The following ACOT4 variants were observed in gnomAD, a reference collection of about 807,000 sequenced individuals.
ACOT4 encodes the protein peroxisomal succinyl-coenzyme A thioesterase.
In ACOT4, 18 loss-of-function variants were observed where a neutral mutation model predicts 17.1. The observed-to-expected ratio is 1.05, with a 90% CI of 0.73 to 1.56. ACOT4 has a LOEUF of 1.56. ACOT4 is among the 40% of genes most tolerant of loss of function. The pLI, the probability that ACOT4 is intolerant of heterozygous loss-of-function variation, is 0.00. For synonymous variants in ACOT4, 234 were observed against 236.6 expected, an observed-to-expected ratio of 0.99 and a Z score of 0.10; for missense variants, 574 against 557.2, an observed-to-expected ratio of 1.03 and a Z score of -0.30.
chr14:73,593,842 A>G lies in ACOT4; in HGVS notation c.598A>G (p.Met200Val). The change falls in exon 2 of 3, where the codon ATG becomes GTG. Residue 200 changes from methionine to valine, a missense_variant. Met to Val is a conservative substitution (Grantham distance 21, BLOSUM62 1). Coordinates refer to ENST00000326303, the MANE Select transcript of ACOT4 (RefSeq NM_152331.4). ...TAACTTTGAAGATCTCCCCAATAAC[A>G]TGGACAACATATCCCTGGAGTACTT... ...YYNFEDLPNN[M>V]DNISLEYFEE... The G allele has an allele frequency of 6.2e-7, 1 of 1,614,090 alleles. No homozygotes were observed. The highest frequency in any genetic ancestry group is 8.5e-7 in the Non-Finnish European group (1 of 1,179,962).
rs750991349 is a variant in ACOT4, at chr14:73,592,207, C to T, written c.248C>T (p.Ala83Val). The change falls in exon 1 of 3, where the codon GCC becomes GTC. Residue 83 changes from alanine to valine, a missense_variant. Physicochemically the swap from Ala to Val is moderately conservative, Grantham distance 64. Transcript: ENST00000326303. ...AGLEPMGLLW[A>V]LEPEKPFWRF... is the part of the protein sequence containing the mutation. ...CTCGAGCCCATGGGGCTGCTCTGGG[C>T]CCTGGAACCCGAGAAGCCTTTTTGG... 8 of 1,612,346 alleles carry T rather than the reference C, an allele frequency of 5.0e-6. No individual in the cohort carries two copies. Among genetic ancestry groups the T allele is most frequent in the Admixed American group, 1.7e-5 (1 of 59,892 alleles).
At chr14:73,594,992 A>G in intron 2 of ACOT4, 57 bp from the exon 3 acceptor site, 2 of 1,589,844 alleles carry the variant, frequency 1.3e-6, no homozygotes, top group Non-Finnish European at 1.7e-6. Flanking sequence ...GGCATGAGCC[A>G]CCGCACCCAA....
In ACOT4 at chr14:73,592,106, C is replaced by G; in HGVS notation, c.147C>G (p.His49Gln). ...AGAAGGGCGCGCTCTTCCGGGCCCACGCGCGCTACTGCGCCGACGCCCGCG... is the reference window on the plus strand; with the variant it reads ...AGAAGGGCGCGCTCTTCCGGGCCCAGGCGCGCTACTGCGCCGACGCCCGCG... ...RDEKGALFRAHARYCADARGE... is the reference protein window; with the variant it reads ...RDEKGALFRAQARYCADARGE... The change falls in exon 1 of 3, where the codon CAC becomes CAG. Residue 49 changes from histidine (H) to glutamine (Q), a missense_variant. His to Gln is a conservative substitution (Grantham distance 24). Coordinates refer to ENST00000326303, the MANE Select transcript of ACOT4 (RefSeq NM_152331.4). The G allele has an allele frequency of 6.6e-7, 1 of 1,509,202 alleles. No homozygotes were observed. Among genetic ancestry groups the G allele is most frequent in the African/African-American group, 1.5e-5 (1 of 68,538 alleles). The allele number at this position is 1,509,202 out of a possible 1,614,324, so 93.5% of individuals were successfully genotyped here.
At chr14:73,592,554 C>A in intron 1 of ACOT4, 138 bp downstream of exon 1, 4 of 1,101,262 alleles carry the variant, frequency 3.6e-6, no homozygotes, top group Non-Finnish European at 5.0e-6. Context: ...GCCACTCTAC[C>A]AAAATAGAGG....
At chr14:73,593,285 G>A (rs1890184472) in intron 1 of ACOT4, among the ~76,000 whole-genome samples, 1 of 150,964 alleles carries the variant, frequency 6.6e-6, no homozygotes, top group Non-Finnish European at 1.5e-5. Context: ...CCAGAGGGCT[G>A]ATGCAACAGA....
At chr14:73,593,342 T>C (rs1427612952) in intron 1 of ACOT4, among the ~76,000 whole-genome samples, 10 of 141,800 alleles carry the variant, frequency 7.1e-5, no homozygotes, top group African/African-American at 1.6e-4. Flanking sequence ...CTTTCTTTTT[T>C]TTTTTTTTTT....
In ACOT4 at chr14:73,592,321, G is replaced by A. The variant is rs752291573; in HGVS notation, c.362G>A (p.Cys121Tyr). The A allele has an allele frequency of 5.0e-6, 8 of 1,608,804 alleles. No homozygotes were observed. The Admixed American group carries it at 1.3e-4, about 27-fold the overall frequency. Residue 121 changes from cysteine to tyrosine, a missense_variant, in exon 1 of 3, where the codon TGC (cysteine) becomes TAC (tyrosine). Physicochemically the swap from Cys to Tyr is radical, Grantham distance 194. Transcript: ENST00000326303. Reference sequence around the variant, plus strand: ...GACCCCGAGCCTGGACGGCTGCTGTGCCAGGCGCAGCACGAGCGCCACTTC... The same window carrying A: ...GACCCCGAGCCTGGACGGCTGCTGTACCAGGCGCAGCACGAGCGCCACTTC... ...GHDPEPGRLL[C>Y]QAQHERHFLP...
At position 73,595,759 on chromosome 14, in the gene ACOT4, G is replaced by T; in HGVS notation, c.*105G>T. 1 of 1,307,866 alleles carries T rather than the reference G, an allele frequency of 7.6e-7. No homozygotes were observed. Among genetic ancestry groups the T allele is most frequent in the Non-Finnish European group, 1.0e-6 (1 of 986,420 alleles). The allele number at this position is 1,307,866 out of a possible 1,614,324, so 81.0% of individuals were successfully genotyped here. On this transcript the variant is annotated 3_prime_UTR_variant, in exon 3 of 3. Coordinates refer to ENST00000326303, the MANE Select transcript of ACOT4 (RefSeq NM_152331.4). ...TGGATAACATTAAAGCCATGTCTTT[G>T]TCATTAATGGTGTATTTTACGTAAC...
rs1430993303 is a variant in ACOT4, at chr14:73,593,862, G to C, written c.618G>C (p.Glu206Asp). Reference protein sequence around the residue: ...LPNNMDNISLEYFEEAVCYML... With the variant: ...LPNNMDNISLDYFEEAVCYML... ...ATAACATGGACAACATATCCCTGGA[G>C]TACTTCGAAGAAGCCGTATGCTACA... Residue 206 changes from glutamate to aspartate, a missense_variant, in exon 2 of 3, where the codon GAG becomes GAC. Physicochemically the swap from Glu to Asp is conservative, Grantham distance 45. Coordinates refer to ENST00000326303, the MANE Select transcript of ACOT4 (RefSeq NM_152331.4). 1.2e-6 allele frequency: 2 copies of C among 1,613,866 alleles called. No homozygotes were observed. Among genetic ancestry groups the C allele is most frequent in the South Asian group, 2.2e-5 (2 of 91,062 alleles).
rs2010052 is a variant in ACOT4 at position 73,595,008 on chromosome 14, A to G, written c.661-41A>G. 4.2e-4 allele frequency: 673 copies of G among 1,603,936 alleles called. 10 individuals are homozygous for G. The East Asian group carries it at 0.012, about 29-fold the overall frequency. On this transcript the variant is annotated intron_variant, in intron 2 of 2. Coordinates refer to ENST00000326303, the MANE Select transcript of ACOT4 (RefSeq NM_152331.4). ...GCATGAGCCACCGCACCCAATCTGG[A>G]TAAGTTATTGACTCAACTCTCCTCT...
In ACOT4 at chr14:73,591,906, G is replaced by C; in HGVS notation, c.-54G>C. 2 of 1,322,770 alleles carry C rather than the reference G, an allele frequency of 1.5e-6. No homozygotes were observed. The highest frequency in any genetic ancestry group is 1.9e-6 in the Non-Finnish European group (2 of 1,033,426). The allele number at this position is 1,322,770 out of a possible 1,614,324, so 81.9% of individuals were successfully genotyped here. On this transcript the variant is annotated 5_prime_UTR_variant, in exon 1 of 3. Transcript: ENST00000326303. ...TCCGGACATTCGGCGCGCTTGCCAC[G>C]ATCTTGGACGGGTCTCGGGCCTCGA...
rs1157461369 is a variant in ACOT4, at chr14:73,595,165, C to T, written c.777C>T (p.Ile259=). 3.1e-6 allele frequency: 5 copies of T among 1,614,216 alleles called. No individual in the cohort carries two copies. The highest frequency in any genetic ancestry group is 4.2e-6 in the Non-Finnish European group (5 of 1,180,040). The stretch of plus-strand genomic sequence containing the variant: ...CAGTTTCCATCAATGGATCTGGGAT[C>T]AGTGGGAACACAGCCATCAACTATA... The part of the protein sequence containing the change: ...SATVSINGSG[I]SGNTAINYKH... Residue 259 remains isoleucine, a synonymous_variant, in exon 3 of 3, where the codon ATC becomes ATT. Coordinates refer to ENST00000326303, the MANE Select transcript of ACOT4 (RefSeq NM_152331.4).
chr14:73,593,764 C>A lies in ACOT4; in HGVS notation c.520C>A (p.Arg174=), dbSNP rs755709560. ...TATTGGAGGGGGCCTCTTGGAATAT[C>A]GAGCCAGCCTCCTTGCTGGCCATGG... ...FGIGGGLLEY[R]ASLLAGHGFA... is the part of the protein sequence containing the mutation. Residue 174 remains arginine, a synonymous_variant, in exon 2 of 3, where the codon CGA becomes AGA. Coordinates refer to ENST00000326303, the MANE Select transcript of ACOT4 (RefSeq NM_152331.4). The A allele has an allele frequency of 1.2e-6, 2 of 1,613,778 alleles. No homozygotes were observed. Among genetic ancestry groups the A allele is most frequent in the Non-Finnish European group, 1.7e-6 (2 of 1,179,868 alleles).
At chr14:73,592,853 AAAAAAAG>A (rs757493888) in intron 1 of ACOT4, among the ~76,000 whole-genome samples, 141 of 152,342 alleles carry the variant, frequency 9.3e-4, no homozygotes, top group Non-Finnish European at 1.8e-3. Flanking sequence ...ACTCCGTCTC[AAAAAAAG>A]AAAAAAGAAA....
In ACOT4 at chr14:73,593,735, T is replaced by G; in HGVS notation, c.491T>G (p.Phe164Cys). 6.2e-7 allele frequency: 1 copy of G among 1,613,334 alleles called. No homozygotes were observed. The stretch of plus-strand genomic sequence containing the variant: ...CCCTTCCCAGGGATCATTGACATCT[T>G]TGGTATTGGAGGGGGCCTCTTGGAA... ...PGPFPGIIDI[F>C]GIGGGLLEYR... The change falls in exon 2 of 3, where the codon TTT becomes TGT. Residue 164 changes from phenylalanine to cysteine, a missense_variant. Transcript: ENST00000326303.
At position 73,595,309 on chromosome 14, in the gene ACOT4, C is replaced by G; in HGVS notation, c.921C>G (p.Ser307Arg). 4 of 1,614,220 alleles carry G rather than the reference C, an allele frequency of 2.5e-6. No homozygotes were observed. The South Asian group carries it at 4.4e-5, about 18-fold the overall frequency. ...NALVGGYKNP[S>R]MIPIEKAQGP... ...TCGTAGGAGGGTACAAGAACCCCAG[C>G]ATGATTCCAATAGAGAAGGCCCAGG... Residue 307 changes from serine to arginine, a missense_variant, in exon 3 of 3, where the codon AGC (serine) becomes AGG (arginine). Ser to Arg is a moderately radical substitution (Grantham distance 110). Transcript: ENST00000326303.
At chr14:73,594,673 G>GTTATTTATTTAT (rs5809619) in intron 2 of ACOT4, among the ~76,000 whole-genome samples, 281 of 147,230 alleles carry the variant, frequency 1.9e-3, no homozygotes, top group African/African-American at 4.2e-3. Flanking sequence ...CATTGGATAA[G>GTTATTTATTTAT]TTATTTATTT....
In ACOT4 at chr14:73,591,958, A is replaced by G; in HGVS notation, c.-2A>G. 8 of 1,369,824 alleles carry G rather than the reference A, an allele frequency of 5.8e-6. No individual in the cohort carries two copies. The highest frequency in any genetic ancestry group is 7.5e-6 in the Non-Finnish European group (8 of 1,060,818). The allele number at this position is 1,369,824 out of a possible 1,614,324, so 84.9% of individuals were successfully genotyped here. A position where few individuals can be genotyped will look rare whatever the true frequency, so the allele number is the denominator to read the frequency against. ...CTTTGAATTCCCCGCTCCGGCTCCA[A>G]GATGTCAGCAACGCTGATCCTGGAG... On this transcript the variant is annotated 5_prime_UTR_variant, in exon 1 of 3. Coordinates refer to ENST00000326303, the MANE Select transcript of ACOT4 (RefSeq NM_152331.4).
Position 73,591,944 on chromosome 14 carries a change from C to T in ACOT4, c.-16C>T, listed in dbSNP as rs1262108545. 8 of 1,362,452 alleles carry T rather than the reference C, an allele frequency of 5.9e-6. No individual in the cohort carries two copies. The highest frequency in any genetic ancestry group is 7.6e-6 in the Non-Finnish European group (8 of 1,056,562). The allele number at this position is 1,362,452 out of a possible 1,614,324, so 84.4% of individuals were successfully genotyped here. ...TCTCGGGCCTCGACCTTTGAATTCC[C>T]CGCTCCGGCTCCAAGATGTCAGCAA... On this transcript the variant is annotated 5_prime_UTR_variant, in exon 1 of 3. Transcript: ENST00000326303.
Sources: allele counts gnomAD v4.1 joint callset (sites outside exome capture counted in the v4.1 genomes callset), GRCh38; gene constraint gnomAD v4.1.1; transcripts MANE v1.5; gene names NCBI Gene and HGNC (gene_info 2026-07-23, HGNC 2026-07-21).